The following PCSK5 variants were observed in gnomAD, a reference collection of about 807,000 sequenced individuals.
The protein encoded by PCSK5 is proprotein convertase subtilisin/kexin type 5.
PCSK5 carries 129 observed loss-of-function variants against 233.2 expected under a neutral mutation model. The ratio of observed to expected loss-of-function variants is 0.55; its 90% confidence interval spans 0.48 to 0.64. PCSK5 has a LOEUF of 0.64. PCSK5 is among the 30% of genes least tolerant of loss of function. The pLI is 0.00. For missense variants in PCSK5, 2,076 were observed against 2,430.1 expected, an observed-to-expected ratio of 0.85 and a Z score of 3.06; for synonymous variants, 825 against 879.2, an observed-to-expected ratio of 0.94 and a Z score of 1.09.
chr9:76,096,770 T>A (rs935847132), intron 8 of PCSK5, among the ~76,000 whole-genome samples: 4 of 151,950 alleles, frequency 2.6e-5, no homozygotes, highest in African/African-American at 9.6e-5. Flanking sequence ...CCCAGCTAAT[T>A]TTTGTATTTT....
chr9:76,171,598 C>G (rs1823332653), intron 13 of PCSK5, among the ~76,000 whole-genome samples: 1 of 152,162 alleles, frequency 6.6e-6, no homozygotes, highest in South Asian at 2.1e-4. Context: ...ATAAATCCCT[C>G]TGCCCTCAAG....
At chr9:76,323,894 G>A (rs1362463301) in intron 32 of PCSK5, among the ~76,000 whole-genome samples, 1 of 150,508 alleles carries the variant, frequency 6.6e-6, no homozygotes, top group Non-Finnish European at 1.5e-5. Flanking sequence ...GACACCATAA[G>A]GGACTTTCTT....
intron 5 of PCSK5, among the ~76,000 whole-genome samples, chr9:76,037,502 G>T (rs1394516135): frequency 6.6e-6 from 1 of 152,170 alleles, no homozygotes; most frequent in Admixed American, 6.5e-5. Context: ...TAAGGTTTTA[G>T]TCTAATTCTC....
chr9:76,142,200 C>G (rs1823258480), intron 10 of PCSK5, among the ~76,000 whole-genome samples: 1 of 151,556 alleles, frequency 6.6e-6, no homozygotes, highest in African/African-American at 2.4e-5. Context: ...TTATTGCTAT[C>G]TAGTATTCCA....
At chr9:76,296,514 G>A in intron 26 of PCSK5, 151 bp from the exon 27 acceptor site, 1 of 614,736 alleles carries the variant, frequency 1.6e-6, no homozygotes, top group Non-Finnish European at 2.9e-6. Flanking sequence ...CTGCACTTTA[G>A]CCTGGGCAAC....
In PCSK5 at chr9:76,353,906, C is replaced by T. The variant is rs1389457901; in HGVS notation, c.5068-127C>T. On this transcript the variant is annotated intron_variant, in intron 36 of 37. Coordinates refer to ENST00000674117, the MANE Select transcript of PCSK5 (RefSeq NM_001372043.1). Reference sequence around the variant, plus strand: ...ACACAGTTAAAATGGGCTTAGAACACACCATCCTTCTGCTGTCCCCCACAC... The same window carrying T: ...ACACAGTTAAAATGGGCTTAGAACATACCATCCTTCTGCTGTCCCCCACAC... 6 of 684,220 alleles carry T rather than the reference C, an allele frequency of 8.8e-6. No homozygotes were observed. In the African/African-American group the frequency reaches 1.1e-4, roughly 12 times the overall value. 42.4% of individuals were successfully genotyped at this position (684,220 alleles called of 1,614,324 possible).
At chr9:76,091,924 T>C (rs756159306) in intron 7 of PCSK5, among the ~76,000 whole-genome samples, 2 of 152,154 alleles carry the variant, frequency 1.3e-5, no homozygotes, top group African/African-American at 4.8e-5. Context: ...GTCACCTCTG[T>C]CTGGAAGGGA....
intron 30 of PCSK5, among the ~76,000 whole-genome samples, chr9:76,318,095 T>C (rs567413930): frequency 2.2e-4 from 33 of 152,298 alleles, no homozygotes; most frequent in African/African-American, 7.7e-4. Flanking sequence ...TTCTTCCTCT[T>C]CCGCGAGTTC....
intron 24 of PCSK5, among the ~76,000 whole-genome samples, chr9:76,250,039 G>T (rs1826750627): frequency 6.6e-6 from 1 of 152,144 alleles, no homozygotes; most frequent in Non-Finnish European, 1.5e-5. Flanking sequence ...AGGCACGGTG[G>T]CTCACACCTG....
chr9:76,307,257 C>T (rs995678329), intron 28 of PCSK5, among the ~76,000 whole-genome samples: 18 of 152,030 alleles, frequency 1.2e-4, no homozygotes, highest in Non-Finnish European at 2.1e-4. Flanking sequence ...CATCTATACC[C>T]GGCTGACTCT....
At chr9:76,191,806 G>C (rs1195923206) in intron 20 of PCSK5, among the ~76,000 whole-genome samples, 2 of 152,132 alleles carry the variant, frequency 1.3e-5, no homozygotes, top group Non-Finnish European at 2.9e-5. Flanking sequence ...TTAAAAACAT[G>C]GCTCCCCTAT....
intron 24 of PCSK5, among the ~76,000 whole-genome samples, chr9:76,258,005 G>A (rs1239038762): frequency 1.3e-5 from 2 of 152,098 alleles, no homozygotes; most frequent in East Asian, 3.9e-4. Flanking sequence ...TATGAACCAG[G>A]CAGGTAACCC....
At chr9:76,310,998 C>A in intron 30 of PCSK5, 147 bp downstream of exon 30, 2 of 564,266 alleles carry the variant, frequency 3.5e-6, no homozygotes, top group South Asian at 2.6e-5. Context: ...TGGGTGTGCG[C>A]CACAGCAGCC....
At chr9:76,330,173 G>C (rs545728744) in intron 33 of PCSK5, among the ~76,000 whole-genome samples, 1 of 152,178 alleles carries the variant, frequency 6.6e-6, no homozygotes, top group African/African-American at 2.4e-5. Flanking sequence ...GGTTGATTAA[G>C]AAATCCCTCT....
At chr9:76,328,621 A>G (rs1829441137) in intron 33 of PCSK5, among the ~76,000 whole-genome samples, 1 of 152,136 alleles carries the variant, frequency 6.6e-6, no homozygotes. Flanking sequence ...CCCCTTTCCC[A>G]TAAATATTTT....
chr9:76,272,151 T>C (rs577250860), intron 24 of PCSK5, among the ~76,000 whole-genome samples: 139 of 152,292 alleles, frequency 9.1e-4, no homozygotes, highest in African/African-American at 3.2e-3. Flanking sequence ...CATTCATAGG[T>C]AGGTAGTAGG....
chr9:76,342,418 G>A (rs369620617), intron 35 of PCSK5, among the ~76,000 whole-genome samples: 1 of 152,108 alleles, frequency 6.6e-6, no homozygotes, highest in East Asian at 1.9e-4. Context: ...TCATCTTGAG[G>A]CAATATGTTG....
At chr9:76,171,215 C>T (rs1394815097) in intron 13 of PCSK5, among the ~76,000 whole-genome samples, 2 of 152,168 alleles carry the variant, frequency 1.3e-5, no homozygotes, top group East Asian at 3.9e-4. Flanking sequence ...CAGGATCTTC[C>T]TCTCTCCTTT....
chr9:76,325,226 C>T (rs1397824530), intron 32 of PCSK5, among the ~76,000 whole-genome samples: 2 of 152,180 alleles, frequency 1.3e-5, no homozygotes, highest in South Asian at 2.1e-4. Context: ...AGGCCTCCAG[C>T]GCCATCTTGC....
Sources: gnomAD v4.1 joint callset for allele counts (sites outside exome capture counted in the v4.1 genomes callset) on GRCh38, gnomAD v4.1.1 for gene constraint, MANE v1.5 for transcripts, NCBI Gene and HGNC (gene_info 2026-07-23, HGNC 2026-07-21) for gene names.